Variants in ZNF350 observed in about 807,000 individuals in gnomAD.
The protein encoded by ZNF350 is KRAB zinc finger protein ZFQR.
In ZNF350, 5 loss-of-function variants were observed where a neutral mutation model predicts 13.1. That is an observed-to-expected ratio of 0.38 (90% CI 0.20 to 0.80). The LOEUF is 0.80. ZNF350 is among the 30% of genes least tolerant of loss of function. The pLI is 0.43. For synonymous variants in ZNF350, 199 were observed against 224.2 expected (o/e 0.89, Z 1.00); for missense variants, 534 against 644.2 (o/e 0.83, Z 1.85).
At chr19:51,981,243 C>G (rs1024860505) in intron 1 of ZNF350, 1 of 130,270 alleles carries the variant, frequency 7.7e-6, no homozygotes, top group African/African-American at 3.2e-5. Context: ...ACTGAGCAGC[C>G]GACCCCTTCT....
intron 1 of ZNF350, among the ~76,000 whole-genome samples, chr19:51,980,125 G>C (rs577043998): frequency 6.6e-6 from 1 of 152,332 alleles, no homozygotes; most frequent in South Asian, 2.1e-4. Flanking sequence ...CTTTTTGGCA[G>C]CTAAGAAGAA....
At position 51,974,495 on chromosome 19, in the gene ZNF350, C is replaced by T; in HGVS notation, c.-135G>A. On this transcript the variant is annotated 5_prime_UTR_variant, in exon 2 of 5. Coordinates refer to ENST00000243644, the MANE Select transcript of ZNF350 (RefSeq NM_021632.4). ...TGAACCCCAAATCCACTTCCTCCCT[C>T]TTCAGGTTATGTTTTTTGCTCCTGA... The T allele has an allele frequency of 9.4e-7, 1 of 1,058,510 alleles. No homozygotes were observed. The highest frequency in any genetic ancestry group is 2.4e-5 in the East Asian group (1 of 41,630). The allele number at this position is 1,058,510 out of a possible 1,614,324, so 65.6% of individuals were successfully genotyped here.
In ZNF350 at chr19:51,986,793, G is replaced by A. The variant is rs911058281; in HGVS notation, c.-195C>T. On this transcript the variant is annotated 5_prime_UTR_variant, in exon 1 of 5. Coordinates refer to ENST00000243644, the MANE Select transcript of ZNF350 (RefSeq NM_021632.4). ...ACCTCTATTTTCTCCAGATACACAA[G>A]AAGGGCCTCAACGTTACACTTCCGT... The A allele has an allele frequency of 8.5e-5, 13 of 152,302 alleles. No homozygotes were observed. The highest frequency in any genetic ancestry group is 2.9e-4 in the African/African-American group (12 of 41,518). The allele number at this position is 152,302 out of a possible 1,614,324, so 9.4% of individuals were successfully genotyped here.
chr19:51,977,999 T>C (rs772466328), intron 1 of ZNF350, among the ~76,000 whole-genome samples: 19 of 152,160 alleles, frequency 1.2e-4, no homozygotes, highest in Non-Finnish European at 2.6e-4. Context: ...AGAAAGGATA[T>C]TACAATGCAG....
In ZNF350 at chr19:51,964,953, G is replaced by A. The variant is rs1451918918; in HGVS notation, c.1500C>T (p.Asn500=). The stretch of plus-strand genomic sequence containing the variant: ...GGTTTCTGTCCTGTGCAAATCCTCT[G>A]TTATCTCCTGAGGCTGCACATCTGA... ...PVVRCAASGD[N]RGFAQDRNLV... Residue 500 remains asparagine, a synonymous_variant, in exon 5 of 5, where the codon AAC becomes AAT. Transcript: ENST00000243644. The A allele has an allele frequency of 6.2e-7, 1 of 1,614,138 alleles. No homozygotes were observed. The highest frequency in any genetic ancestry group is 1.1e-5 in the South Asian group (1 of 91,086).
chr19:51,968,315 A>C (rs533021289), intron 4 of ZNF350, among the ~76,000 whole-genome samples: 1 of 152,360 alleles, frequency 6.6e-6, no homozygotes, highest in African/African-American at 2.4e-5. Flanking sequence ...GAAATACTTG[A>C]AACCCGAGGA....
Position 51,974,416 on chromosome 19 carries a change from C to G in ZNF350, c.-56G>C. On this transcript the variant is annotated 5_prime_UTR_variant, in exon 2 of 5. Transcript: ENST00000243644. The stretch of plus-strand genomic sequence containing the variant: ...CTGGGATGGTCTGTCTTTGTATCTT[C>G]TGGCCTTCTCTTCAGAAGTCTCAGT... 1.2e-6 allele frequency: 2 copies of G among 1,600,092 alleles called. No homozygotes were observed. Among genetic ancestry groups the G allele is most frequent in the Non-Finnish European group, 1.7e-6 (2 of 1,171,104 alleles).
At chr19:51,966,453 T>C (rs940230246) in intron 4 of ZNF350, among the ~76,000 whole-genome samples, 2 of 150,964 alleles carry the variant, frequency 1.3e-5, no homozygotes, top group Non-Finnish European at 3.0e-5. Context: ...CCGGCTAATT[T>C]TTGTAGTTTT....
chr19:51,966,258 T>A, intron 4 of ZNF350, 44 bp from the exon 5 acceptor site: 1 of 1,510,842 alleles, frequency 6.6e-7, no homozygotes, highest in Non-Finnish European at 8.8e-7. Context: ...AGATTTGGGG[T>A]AAAAGTTTGT....
intron 4 of ZNF350, among the ~76,000 whole-genome samples, chr19:51,966,726 C>T (rs2085590149): frequency 6.6e-6 from 1 of 151,806 alleles, no homozygotes; most frequent in Non-Finnish European, 1.5e-5. Context: ...CGGCTCACTG[C>T]AACCTCCACC....
Position 51,965,712 on chromosome 19 carries a change from G to A in ZNF350, c.741C>T (p.Phe247=). ...GAGTTCGCTGATGTTCAGTAAGCAT[G>A]AACTTTCTGGAGAAGGCTTTCTCAC... ...SLCEKAFSRK[F]MLTEHQRTHT... is the part of the protein sequence containing the mutation. Residue 247 remains phenylalanine, a synonymous_variant, in exon 5 of 5, where the codon TTC becomes TTT. Transcript: ENST00000243644. 1 of 1,614,078 alleles carries A rather than the reference G, an allele frequency of 6.2e-7. No individual in the cohort carries two copies. The highest frequency in any genetic ancestry group is 8.5e-7 in the Non-Finnish European group (1 of 1,180,002).
chr19:51,976,570 T>TA lies in ZNF350; in HGVS notation c.-171-2040dup. ...GGGAAGAGTCTGCCGGCAGCAGATATAAGGTCAGTGCCCTAAAGAGGTACT... is the reference window on the plus strand; with the variant it reads ...GGGAAGAGTCTGCCGGCAGCAGATATAAAGGTCAGTGCCCTAAAGAGGTACT... On this transcript the variant is annotated intron_variant, in intron 1 of 4. Coordinates refer to ENST00000243644, the MANE Select transcript of ZNF350 (RefSeq NM_021632.4). This position sits in a 1 kb window ranked among gnomAD's most constrained non-coding sequence, Gnocchi z 4.5. The TA allele has an allele frequency of 6.6e-6, 1 of 152,430 alleles. No homozygotes were observed. Among genetic ancestry groups the TA allele is most frequent in the South Asian group, 2.1e-4 (1 of 4,822 alleles). The allele number at this position is 152,430 out of a possible 1,614,324, so 9.4% of individuals were successfully genotyped here.
In ZNF350 at chr19:51,968,583, C is replaced by T; in HGVS notation, c.233G>A (p.Cys78Tyr). The T allele has an allele frequency of 1.2e-6, 2 of 1,613,990 alleles. No individual in the cohort carries two copies. The highest frequency in any genetic ancestry group is 1.7e-6 in the Non-Finnish European group (2 of 1,179,918). ...TGTCTTGTGGGTTCTCTCACCTGAA[C>T]AGGCTCCACTGTGGATTCCATCTTC... ...TIEDGIHSGA[C>Y]SDIWKVDHVL... The change falls in exon 4 of 5, where the codon TGT (cysteine) becomes TAT (tyrosine). Residue 78 changes from cysteine (C) to tyrosine (Y), a missense_variant. Physicochemically the swap from Cys to Tyr is radical, Grantham distance 194. Coordinates refer to ENST00000243644, the MANE Select transcript of ZNF350 (RefSeq NM_021632.4).
intron 2 of ZNF350, among the ~76,000 whole-genome samples, chr19:51,972,329 GAAAAGT>G (rs1445241328): frequency 6.9e-6 from 1 of 145,946 alleles, no homozygotes; most frequent in Non-Finnish European, 1.5e-5. Flanking sequence ...AAAAAAAGCA[GAAAAGT>G]AAAAGTAAAA....
rs1346114805 is a variant in ZNF350 at position 51,964,606 on chromosome 19, ACTT to A, written c.*245_*247del. 2.0e-6 allele frequency: 1 copy of A among 507,624 alleles called. No individual in the cohort carries two copies. The highest frequency in any genetic ancestry group is 1.9e-5 in the African/African-American group (1 of 51,858). The allele number at this position is 507,624 out of a possible 1,614,324, so 31.4% of individuals were successfully genotyped here. On this transcript the variant is annotated 3_prime_UTR_variant, in exon 5 of 5. Transcript: ENST00000243644. Reference sequence around the variant, plus strand: ...CTCATCTGTTTTAAAAATTCACAGTACTTCATTTCCTCCACTTAAAAGTACTTG... The same window carrying A: ...CTCATCTGTTTTAAAAATTCACAGTACATTTCCTCCACTTAAAAGTACTTG...
At chr19:51,980,327 T>G (rs950312353) in intron 1 of ZNF350, among the ~76,000 whole-genome samples, 1 of 152,252 alleles carries the variant, frequency 6.6e-6, no homozygotes, top group African/African-American at 2.4e-5. Flanking sequence ...TTTGTAACAC[T>G]TCTTCTAACT....
At chr19:51,975,280 C>A (rs1173994721) in intron 1 of ZNF350, among the ~76,000 whole-genome samples, 1 of 152,004 alleles carries the variant, frequency 6.6e-6, no homozygotes, top group Non-Finnish European at 1.5e-5. Flanking sequence ...ACCGGCCTAG[C>A]CAACATGGTG....
At chr19:51,980,759 T>C (rs574835444) in intron 1 of ZNF350, among the ~76,000 whole-genome samples, 3 of 152,328 alleles carry the variant, frequency 2.0e-5, no homozygotes, top group South Asian at 2.1e-4. Flanking sequence ...AACAAAATTA[T>C]TGATTTAAAT....
chr19:51,969,205 C>T, intron 2 of ZNF350, 74 bp from the exon 3 acceptor site: 5 of 1,560,286 alleles, frequency 3.2e-6, no homozygotes, highest in Non-Finnish European at 4.4e-6. Context: ...TTTTTCTGCT[C>T]ATTTCCACTC....
Sources: gnomAD v4.1 joint callset for allele counts (sites outside exome capture counted in the v4.1 genomes callset) on GRCh38, gnomAD v4.1.1 for gene constraint, Gnocchi (gnomAD v3.1) non-coding constraint, MANE v1.5 for transcripts, NCBI Gene and HGNC (gene_info 2026-07-23, HGNC 2026-07-21) for gene names.